The following SH3GL2 variants were observed in gnomAD, a reference collection of about 807,000 sequenced individuals.
SH3GL2 encodes endophilin-A1.
SH3GL2 carries 24 observed loss-of-function variants against 46.0 expected under a neutral mutation model. That is an observed-to-expected ratio of 0.52 (90% CI 0.38 to 0.73). The LOEUF is 0.73. SH3GL2 is among the 30% of genes least tolerant of loss of function. The pLI, the probability that SH3GL2 is intolerant of heterozygous loss-of-function variation, is 0.00. For missense variants in SH3GL2, 413 were observed against 424.2 expected (o/e 0.97, Z 0.23); for synonymous variants, 196 against 147.1 (o/e 1.33, Z -2.40).
intron 1 of SH3GL2, among the ~76,000 whole-genome samples, chr9:17,598,048 G>T (rs1490733770): frequency 6.6e-6 from 1 of 152,188 alleles, no homozygotes. Context: ...TTTGTCACAG[G>T]TGCAGCAAAG....
At position 17,702,263 on chromosome 9, in the gene SH3GL2, T is replaced by C. The variant is rs1588255385; in HGVS notation, c.46-44803T>C. On this transcript the variant is annotated intron_variant, in intron 1 of 8. Coordinates refer to ENST00000380607, the MANE Select transcript of SH3GL2 (RefSeq NM_003026.5). ...GGACCAGGAAAATTTTCCAGTGGAA[T>C]AAATAAAGATTTAAATGTTAATGAA... Among the ~76,000 whole-genome samples the C allele has an allele frequency of 2.0e-5, 3 of 152,176 alleles. No individual in the cohort carries two copies. The South Asian group carries it at 6.2e-4, about 32-fold the overall frequency.
intron 1 of SH3GL2, among the ~76,000 whole-genome samples, chr9:17,668,281 G>T (rs919468443): frequency 6.6e-6 from 1 of 152,170 alleles, no homozygotes; most frequent in African/African-American, 2.4e-5. Context: ...AATTTACTTT[G>T]AGTTAATTTT....
At chr9:17,656,602 T>C (rs553365594) in intron 1 of SH3GL2, among the ~76,000 whole-genome samples, 2 of 152,130 alleles carry the variant, frequency 1.3e-5, no homozygotes, top group Admixed American at 6.5e-5. Flanking sequence ...CTCTTAGTCA[T>C]GCAAAGAAGA....
At chr9:17,736,721 G>A (rs911734586) in intron 1 of SH3GL2, among the ~76,000 whole-genome samples, 1 of 152,104 alleles carries the variant, frequency 6.6e-6, no homozygotes, top group Non-Finnish European at 1.5e-5. Flanking sequence ...TGTCCCTGAT[G>A]TTGGCTTTCT....
rs1478801977 is a variant in SH3GL2 at position 17,760,915 on chromosome 9, ACT to A, written c.115-519_115-518del. ...AGGATAGAACAAATTTGGAGGATAG[ACT>A]CTAGCATCAAGATTTTTGTTTAGCA... On this transcript the variant is annotated intron_variant, in intron 2 of 8. Transcript: ENST00000380607. 2.0e-5 allele frequency among the ~76,000 whole-genome samples: 3 copies of A among 152,260 alleles called. No homozygotes were observed. In the East Asian group the frequency reaches 5.8e-4, roughly 29 times the overall value.
At chr9:17,748,070 G>A (rs952381016) in intron 2 of SH3GL2, among the ~76,000 whole-genome samples, 7 of 152,190 alleles carry the variant, frequency 4.6e-5, no homozygotes, top group Admixed American at 1.3e-4. Flanking sequence ...TTAGCTTTCT[G>A]CTTAAAAGGT....
At chr9:17,688,942 A>C (rs115458563) in intron 1 of SH3GL2, among the ~76,000 whole-genome samples, 9 of 152,224 alleles carry the variant, frequency 5.9e-5, no homozygotes, top group African/African-American at 1.9e-4. Flanking sequence ...TGACATGCTC[A>C]TAGAGACTTC....
chr9:17,685,146 TG>T (rs1310932932), intron 1 of SH3GL2, among the ~76,000 whole-genome samples: 1 of 151,966 alleles, frequency 6.6e-6, no homozygotes, highest in Non-Finnish European at 1.5e-5. Context: ...TTTATGTCTG[TG>T]GGTATATGTA....
chr9:17,780,501 C>T (rs946579093), intron 3 of SH3GL2, among the ~76,000 whole-genome samples: 1 of 143,762 alleles, frequency 7.0e-6, no homozygotes. Flanking sequence ...TTATTATACT[C>T]TAAGTTTTAG....
intron 4 of SH3GL2, among the ~76,000 whole-genome samples, chr9:17,786,811 T>TGGCGGGG (rs1434463037): frequency 1.3e-5 from 2 of 152,148 alleles, no homozygotes; most frequent in Non-Finnish European, 2.9e-5. Flanking sequence ...TGGGTGTTTC[T>TGGCGGGG]GGCAGTCATT....
chr9:17,709,693 A>G (rs1443727744), intron 1 of SH3GL2, among the ~76,000 whole-genome samples: 2 of 149,044 alleles, frequency 1.3e-5, no homozygotes, highest in African/African-American at 2.6e-5. Flanking sequence ...ACACACACAC[A>G]CACACACACA....
rs529697057 is a variant in SH3GL2, at chr9:17,694,142, T to C, written c.46-52924T>C. On this transcript the variant is annotated intron_variant, in intron 1 of 8. Coordinates refer to ENST00000380607, the MANE Select transcript of SH3GL2 (RefSeq NM_003026.5). Reference sequence around the variant, plus strand: ...AATTTTCTGTATTAGTCTGTTCTTATACTGCTATAAAGAAGTACCTGAGAC... The same window carrying C: ...AATTTTCTGTATTAGTCTGTTCTTACACTGCTATAAAGAAGTACCTGAGAC... Among the ~76,000 whole-genome samples, 55 of 152,278 alleles carry C rather than the reference T, an allele frequency of 3.6e-4. 2 individuals are homozygous for C. The South Asian group carries it at 9.7e-3, about 27-fold the overall frequency.
chr9:17,601,433 A>G (rs1818670713), intron 1 of SH3GL2, among the ~76,000 whole-genome samples: 1 of 152,098 alleles, frequency 6.6e-6, no homozygotes, highest in African/African-American at 2.4e-5. Flanking sequence ...TCTTTAAAGG[A>G]TGAAGGCTGG....
chr9:17,581,221 A>G (rs1249582716), intron 1 of SH3GL2, among the ~76,000 whole-genome samples: 1 of 150,524 alleles, frequency 6.6e-6, no homozygotes, highest in African/African-American at 2.4e-5. Flanking sequence ...CATTTCCGCT[A>G]AATCTTGAAG....
intron 1 of SH3GL2, chr9:17,735,588 A>G (rs1339751311): frequency 6.5e-6 from 1 of 154,646 alleles, no homozygotes; most frequent in Non-Finnish European, 1.4e-5. Context: ...GCAGAGGACC[A>G]ACTTTTTGTA....
chr9:17,718,973 T>C (rs1046643890), intron 1 of SH3GL2, among the ~76,000 whole-genome samples: 1 of 152,108 alleles, frequency 6.6e-6, no homozygotes, highest in Non-Finnish European at 1.5e-5. Flanking sequence ...GGTTTACTTT[T>C]TATCAGGAAT....
intron 1 of SH3GL2, among the ~76,000 whole-genome samples, chr9:17,673,794 A>G (rs1457607231): frequency 6.6e-6 from 1 of 152,032 alleles, no homozygotes; most frequent in Non-Finnish European, 1.5e-5. Flanking sequence ...GTCTTTATTA[A>G]TTCTTTTGCT....
chr9:17,675,585 G>A (rs891274252), intron 1 of SH3GL2, among the ~76,000 whole-genome samples: 5 of 152,192 alleles, frequency 3.3e-5, no homozygotes, highest in Non-Finnish European at 5.9e-5. Context: ...GAGTAAAAAA[G>A]GTGCCTTAAG....
intron 1 of SH3GL2, among the ~76,000 whole-genome samples, chr9:17,627,757 C>T (rs1387252852): frequency 1.3e-5 from 2 of 152,142 alleles, no homozygotes; most frequent in African/African-American, 4.8e-5. Flanking sequence ...AGGTGAACCT[C>T]CTGAGATAGA....
Sources: gnomAD v4.1 joint callset for allele counts (sites outside exome capture counted in the v4.1 genomes callset) on GRCh38, gnomAD v4.1.1 for gene constraint, MANE v1.5 for transcripts, NCBI Gene and HGNC (gene_info 2026-07-23, HGNC 2026-07-21) for gene names.